The following RNF180 variants were observed in gnomAD, a reference collection of about 807,000 sequenced individuals.
The protein encoded by RNF180 is E3 ubiquitin-protein ligase RNF180.
A neutral mutation model predicts 59.2 loss-of-function variants in RNF180; 38 were observed. The ratio of observed to expected loss-of-function variants is 0.64; its 90% confidence interval spans 0.50 to 0.84. The LOEUF (loss-of-function observed/expected upper bound fraction) is 0.84. RNF180 is among the 40% of genes least tolerant of loss of function. The pLI, the probability that RNF180 is intolerant of heterozygous loss-of-function variation, is 0.00. For missense variants in RNF180, 705 were observed against 700.9 expected (o/e 1.01, Z -0.07); for synonymous variants, 262 against 240.3 (o/e 1.09, Z -0.84).
At chr5:64,213,371 C>T (rs188399434) in intron 3 of RNF180, among the ~76,000 whole-genome samples, 187 bp from the exon 4 acceptor site, 11 of 152,178 alleles carry the variant, frequency 7.2e-5, no homozygotes, top group Non-Finnish European at 1.0e-4. Context: ...AGAACTTTGG[C>T]GCTGCTTATC....
intron 7 of RNF180, among the ~76,000 whole-genome samples, chr5:64,332,512 T>C (rs1283899958): frequency 1.3e-5 from 2 of 152,134 alleles, no homozygotes; most frequent in Non-Finnish European, 2.9e-5. Flanking sequence ...ATCTGTAAAA[T>C]AGGAATAATT....
intron 5 of RNF180, among the ~76,000 whole-genome samples, chr5:64,262,868 G>T (rs1561225644): frequency 6.6e-6 from 1 of 152,010 alleles, no homozygotes; most frequent in African/African-American, 2.4e-5. Flanking sequence ...GAATATTTGT[G>T]GTATACTGAC....
At chr5:64,344,281 A>G (rs1745467934) in intron 7 of RNF180, among the ~76,000 whole-genome samples, 1 of 152,116 alleles carries the variant, frequency 6.6e-6, no homozygotes, top group Non-Finnish European at 1.5e-5. Flanking sequence ...AATCAAAAGA[A>G]AGCAGCTGTG....
chr5:64,193,583 G>A (rs1751295091), intron 1 of RNF180, among the ~76,000 whole-genome samples: 1 of 152,126 alleles, frequency 6.6e-6, no homozygotes, highest in Admixed American at 6.6e-5. Flanking sequence ...AATTGTTTAG[G>A]ATTTGGATTA....
At chr5:64,336,752 T>TTA (rs1419957292) in intron 7 of RNF180, among the ~76,000 whole-genome samples, 5 of 152,206 alleles carry the variant, frequency 3.3e-5, no homozygotes, top group Admixed American at 6.5e-5. Flanking sequence ...TATGGGGGTT[T>TTA]CTGCCCTTAT....
intron 1 of RNF180, among the ~76,000 whole-genome samples, chr5:64,185,267 T>C (rs1425028733): frequency 6.6e-6 from 1 of 152,222 alleles, no homozygotes; most frequent in African/African-American, 2.4e-5. Context: ...ACAGTGTTTG[T>C]CTGGTAGATT....
At chr5:64,168,469 C>G (rs915503475) in intron 1 of RNF180, among the ~76,000 whole-genome samples, 1 of 152,182 alleles carries the variant, frequency 6.6e-6, no homozygotes, top group African/African-American at 2.4e-5. Flanking sequence ...TGTATGTGCA[C>G]ATTTGCATGT....
intron 5 of RNF180, among the ~76,000 whole-genome samples, chr5:64,240,593 C>T (rs1287932970): frequency 6.6e-6 from 1 of 152,168 alleles, no homozygotes; most frequent in Non-Finnish European, 1.5e-5. Context: ...TGATGATTCC[C>T]TAAAAGTGTG....
At chr5:64,307,173 C>T (rs901092652) in intron 5 of RNF180, among the ~76,000 whole-genome samples, 1 of 149,142 alleles carries the variant, frequency 6.7e-6, no homozygotes, top group Non-Finnish European at 1.5e-5. Context: ...TGGCTCTTTC[C>T]CATCTAGTAT....
At position 64,217,383 on chromosome 5, in the gene RNF180, T is replaced by C; in HGVS notation, c.1214T>C (p.Leu405Ser). ...TAGGGTAAATACTCAGGAGTGGGAT[T>C]GCTGGATCATATGGTAAGTATATAT... is the stretch of plus-strand genomic sequence containing the variant. The part of the protein sequence containing the change: ...QKQGKYSGVG[L>S]LDHMTLNNEM... Residue 405 changes from leucine to serine, a missense_variant, in exon 5 of 8, where the codon TTG (leucine) becomes TCG (serine). Coordinates refer to ENST00000389100, the MANE Select transcript of RNF180 (RefSeq NM_001113561.2). 1 of 1,423,216 alleles carries C rather than the reference T, an allele frequency of 7.0e-7. No homozygotes were observed. The allele number at this position is 1,423,216 out of a possible 1,614,324, so 88.2% of individuals were successfully genotyped here.
chr5:64,218,086 C>G (rs988669011), intron 5 of RNF180, among the ~76,000 whole-genome samples: 5 of 151,854 alleles, frequency 3.3e-5, no homozygotes, highest in African/African-American at 1.2e-4. Flanking sequence ...TTTTTATTCT[C>G]TTAATTTTTT....
chr5:64,232,120 T>C (rs1742136342), intron 5 of RNF180, among the ~76,000 whole-genome samples: 1 of 152,188 alleles, frequency 6.6e-6, no homozygotes, highest in South Asian at 2.1e-4. Context: ...ATACTGAGAA[T>C]GTAATGGCTT....
Position 64,281,898 on chromosome 5 carries a change from A to T in RNF180, c.1228-43288A>T, listed in dbSNP as rs376890117. 3.9e-5 allele frequency among the ~76,000 whole-genome samples: 6 copies of T among 152,298 alleles called. No homozygotes were observed. The South Asian group carries it at 1.2e-3, about 32-fold the overall frequency. ...TCCTTTTAGTTCTGTTTATGTGATG[A>T]ATCGCATTTATTGATTTGCATATGT... On this transcript the variant is annotated intron_variant, in intron 5 of 7. Coordinates refer to ENST00000389100, the MANE Select transcript of RNF180 (RefSeq NM_001113561.2).
chr5:64,253,431 C>T (rs574583410), intron 5 of RNF180, among the ~76,000 whole-genome samples: 1 of 152,124 alleles, frequency 6.6e-6, no homozygotes, highest in South Asian at 2.1e-4. Context: ...ATTTATTTTT[C>T]TTCAAAGGCC....
intron 5 of RNF180, among the ~76,000 whole-genome samples, chr5:64,261,069 T>C (rs1297044852): frequency 1.3e-5 from 2 of 152,130 alleles, no homozygotes; most frequent in Non-Finnish European, 2.9e-5. Flanking sequence ...TTTGATGTCA[T>C]ACAGATTTAT....
chr5:64,273,084 A>G (rs942337194), intron 5 of RNF180, among the ~76,000 whole-genome samples: 22 of 151,962 alleles, frequency 1.4e-4, no homozygotes, highest in African/African-American at 5.3e-4. Context: ...GATGGTAATG[A>G]AAGTGACCTC....
At chr5:64,175,827 G>C (rs368267134) in intron 1 of RNF180, among the ~76,000 whole-genome samples, 1 of 152,016 alleles carries the variant, frequency 6.6e-6, no homozygotes, top group South Asian at 2.1e-4. Context: ...CACATGCTTG[G>C]TTAAATTTAT....
chr5:64,246,183 C>T (rs1380479692), intron 5 of RNF180, among the ~76,000 whole-genome samples: 1 of 152,082 alleles, frequency 6.6e-6, no homozygotes, highest in African/African-American at 2.4e-5. Flanking sequence ...CTAAAATCGA[C>T]ACCCTAACAT....
At chr5:64,234,607 TTTTTTTTTTTG>T (rs1742306018) in intron 5 of RNF180, among the ~76,000 whole-genome samples, 2 of 64,628 alleles carry the variant, frequency 3.1e-5, no homozygotes, top group African/African-American at 1.7e-4. Flanking sequence ...TTTTTTTTTT[TTTTTTTTTTTG>T]AGAAGGAGTC....
Sources: gnomAD v4.1 joint callset for allele counts (sites outside exome capture counted in the v4.1 genomes callset) on GRCh38, gnomAD v4.1.1 for gene constraint, MANE v1.5 for transcripts, NCBI Gene and HGNC (gene_info 2026-07-23, HGNC 2026-07-21) for gene names.